The following AACS variants were observed in gnomAD, a reference collection of about 807,000 sequenced individuals.
AACS encodes acetoacetyl-CoA synthetase, also known as acetoacetate-CoA ligase.
AACS carries 69 observed loss-of-function variants against 83.1 expected under a neutral mutation model. The observed-to-expected ratio is 0.83, with a 90% CI of 0.68 to 1.01. The LOEUF (loss-of-function observed/expected upper bound fraction) is 1.01, where lower values mean the gene tolerates loss of function less well. AACS is among the 50% of genes least tolerant of loss of function. The pLI is 0.00. For missense variants in AACS, 866 were observed against 882.2 expected (o/e 0.98, Z 0.23); for synonymous variants, 333 against 343.4 (o/e 0.97, Z 0.33).
At chr12:125,110,218 TG>T (rs1956926047) in intron 8 of AACS, among the ~76,000 whole-genome samples, 1 of 148,022 alleles carries the variant, frequency 6.8e-6, no homozygotes, top group African/African-American at 2.5e-5. Context: ...TGTGTGTGTG[TG>T]TGTGTGTGTG....
chr12:125,130,494 G>T lies in AACS; in HGVS notation c.1549+1034G>T, dbSNP rs1044353769. ...CCTGCCTTGGGAGGAGAGGCCAAAA[G>T]GATTAGAATCTCAGCTTGAGGATCC... On this transcript the variant is annotated intron_variant, in intron 14 of 17. Transcript: ENST00000316519. This position sits in a 1 kb window ranked among gnomAD's most constrained non-coding sequence, Gnocchi z 4.9. Among the ~76,000 whole-genome samples, 7 of 152,222 alleles carry T rather than the reference G, an allele frequency of 4.6e-5. No homozygotes were observed. The highest frequency in any genetic ancestry group is 9.6e-5 in the African/African-American group (4 of 41,458).
In AACS at chr12:125,107,288, T is replaced by A; in HGVS notation, c.915+20T>A. ...GCTGGGGTAGGTCTCTGGGGAAGGC[T>A]CTGCAGGGCCTCCTGTTGTCTGTTT... On this transcript the variant is annotated intron_variant, in intron 8 of 17. Transcript: ENST00000316519. The A allele has an allele frequency of 1.2e-6, 2 of 1,610,574 alleles. No individual in the cohort carries two copies. The highest frequency in any genetic ancestry group is 1.7e-6 in the Non-Finnish European group (2 of 1,178,252).
At chr12:125,073,498 A>G (rs567399246) in intron 1 of AACS, among the ~76,000 whole-genome samples, 27 of 152,212 alleles carry the variant, frequency 1.8e-4, no homozygotes, top group Middle Eastern at 3.4e-3. Flanking sequence ...AATCCTCACA[A>G]CAGCCCTGTG....
rs994681423 is a variant in AACS, at chr12:125,140,388, G to A, written c.1882-1704G>A. 1 of 152,214 alleles carries A rather than the reference G, an allele frequency of 6.6e-6. No individual in the cohort carries two copies. Among genetic ancestry groups the A allele is most frequent in the Admixed American group, 6.5e-5 (1 of 15,276 alleles). The allele number at this position is 152,214 out of a possible 1,614,324, so 9.4% of individuals were successfully genotyped here. ...GAGGATGCTGCTGTATTTTGCCAGC[G>A]GGTGGAAGGTGGCGGTATTAGCTCC... On this transcript the variant is annotated intron_variant, in intron 17 of 17. Transcript: ENST00000316519. This position sits in a 1 kb window ranked among gnomAD's most constrained non-coding sequence, Gnocchi z 5.1.
At chr12:125,090,419 T>A (rs971405222) in intron 4 of AACS, among the ~76,000 whole-genome samples, 2 of 146,958 alleles carry the variant, frequency 1.4e-5, no homozygotes, top group Non-Finnish European at 3.0e-5. Context: ...TTCATCCATC[T>A]TCCATTCATC....
At chr12:125,114,337 T>C in intron 8 of AACS, 140 bp from the exon 9 acceptor site, 1 of 628,706 alleles carries the variant, frequency 1.6e-6, no homozygotes, top group Non-Finnish European at 2.7e-6. Context: ...CCCTCCAAAG[T>C]CTGCTTCTCC....
At chr12:125,112,323 G>A (rs932223669) in intron 8 of AACS, among the ~76,000 whole-genome samples, 19 of 152,248 alleles carry the variant, frequency 1.2e-4, no homozygotes, top group Admixed American at 7.2e-4. Context: ...TCCAGAGCCC[G>A]GAGGCAGCCT....
chr12:125,117,877 G>A (rs565020255), intron 9 of AACS: 3 of 152,320 alleles, frequency 2.0e-5, no homozygotes, highest in African/African-American at 7.2e-5. Flanking sequence ...CCAGCTACAT[G>A]GGAGGCTGAG....
intron 8 of AACS, among the ~76,000 whole-genome samples, chr12:125,109,744 C>A (rs1174575295): frequency 6.6e-6 from 1 of 152,186 alleles, no homozygotes; most frequent in African/African-American, 2.4e-5. Context: ...AGGTCTCCTG[C>A]ATGTCTGGAG....
chr12:125,108,457 T>C (rs1354645726), intron 8 of AACS, among the ~76,000 whole-genome samples: 1 of 152,216 alleles, frequency 6.6e-6, no homozygotes. Context: ...CTGTCACCTT[T>C]TAAAGGCCCA....
At position 125,086,410 on chromosome 12, in the gene AACS, A is replaced by C. The variant is rs1956340817; in HGVS notation, c.439A>C (p.Lys147Gln). 6.2e-7 allele frequency: 1 copy of C among 1,614,176 alleles called. No homozygotes were observed. The highest frequency in any genetic ancestry group is 1.1e-5 in the South Asian group (1 of 91,080). ...GGCTTTGTTTGCAGCAGCAATGAGGAAAATGGGTGTGAAGAAAGGAGATCG... is the reference window on the plus strand; with the variant it reads ...GGCTTTGTTTGCAGCAGCAATGAGGCAAATGGGTGTGAAGAAAGGAGATCG... ...EVALFAAAMR[K>Q]MGVKKGDRVV... is the part of the protein sequence containing the mutation. The change falls in exon 4 of 18, where the codon AAA (lysine) becomes CAA (glutamine). Residue 147 changes from lysine (K) to glutamine (Q), a missense_variant. Lys to Gln is a moderately conservative substitution (Grantham distance 53). Transcript: ENST00000316519.
chr12:125,092,235 C>T (rs112018582), intron 5 of AACS, among the ~76,000 whole-genome samples: 33 of 152,366 alleles, frequency 2.2e-4, no homozygotes, highest in African/African-American at 7.9e-4. Flanking sequence ...GAACCTGTTA[C>T]AGGACATGCA....
chr12:125,065,811 G>A, intron 1 of AACS, 94 bp downstream of exon 1: 1 of 1,388,582 alleles, frequency 7.2e-7, no homozygotes, highest in Non-Finnish European at 9.3e-7. Flanking sequence ...TCACGCTTCT[G>A]GGGCTGGAGG....
intron 5 of AACS, 100 bp from the exon 6 acceptor site, chr12:125,102,579 C>T (rs1956736447): frequency 1.0e-6 from 1 of 980,816 alleles, no homozygotes; most frequent in Non-Finnish European, 1.6e-6. Context: ...ATCCTCCCAC[C>T]TCAGCCTCCA....
In AACS at chr12:125,142,271, C is replaced by T. The variant is rs1957512939; in HGVS notation, c.*42C>T. 1.3e-6 allele frequency: 2 copies of T among 1,598,312 alleles called. No individual in the cohort carries two copies. The highest frequency in any genetic ancestry group is 1.3e-5 in the African/African-American group (1 of 74,098). On this transcript the variant is annotated 3_prime_UTR_variant, in exon 18 of 18. Transcript: ENST00000316519. ...TGTCACTCAGCCGCACCCGTGTGCACTGTAACTTTTGTGTGCTCAAGAAAT... is the reference window on the plus strand; with the variant it reads ...TGTCACTCAGCCGCACCCGTGTGCATTGTAACTTTTGTGTGCTCAAGAAAT...
intron 7 of AACS, chr12:125,105,125 A>G (rs979853508): frequency 1.3e-5 from 2 of 152,126 alleles, no homozygotes; most frequent in Non-Finnish European, 2.9e-5. Flanking sequence ...TTGTGATGCA[A>G]ACACCTCCCA....
rs1230196880 is a variant in AACS, at chr12:125,143,295, T to C, written c.*1066T>C. On this transcript the variant is annotated 3_prime_UTR_variant, in exon 18 of 18. Coordinates refer to ENST00000316519, the MANE Select transcript of AACS (RefSeq NM_023928.5). ...GCTATGATGAATTTTATGCAATAAA[T>C]GTATACATGTGTGCACATGCACCCA... The C allele has an allele frequency of 1.3e-5, 2 of 152,390 alleles. No individual in the cohort carries two copies. The highest frequency in any genetic ancestry group is 2.1e-4 in the South Asian group (1 of 4,830). 9.4% of individuals were successfully genotyped at this position (152,390 alleles called of 1,614,324 possible).
rs1219269168 is a variant in AACS, at chr12:125,125,004, T to G, written c.1289T>G (p.Ile430Ser). ...EYVYRCIKSS[I>S]LLGSISGGTD... ...GTCTACAGGTGCATCAAGAGCAGCATCCTCCTGGGCTCCATCTCAGGTATG... is the reference window on the plus strand; with the variant it reads ...GTCTACAGGTGCATCAAGAGCAGCAGCCTCCTGGGCTCCATCTCAGGTATG... The change falls in exon 12 of 18, where the codon ATC becomes AGC. Residue 430 changes from isoleucine (I) to serine (S), a missense_variant. Coordinates refer to ENST00000316519, the MANE Select transcript of AACS (RefSeq NM_023928.5). The G allele has an allele frequency of 6.2e-7, 1 of 1,614,158 alleles. No homozygotes were observed. Among genetic ancestry groups the G allele is most frequent in the South Asian group, 1.1e-5 (1 of 91,070 alleles).
In AACS at chr12:125,077,943, A is replaced by T. The variant is rs372395794; in HGVS notation, c.358+1332A>T. ...AGGCTGGTCTCGAACTCCTGACCTC[A>T]GGTGATTCCCCCCGCCTCGGCCTCC... On this transcript the variant is annotated intron_variant, in intron 3 of 17. Coordinates refer to ENST00000316519, the MANE Select transcript of AACS (RefSeq NM_023928.5). Among the ~76,000 whole-genome samples the T allele has an allele frequency of 1.9e-3, 287 of 152,262 alleles. 3 individuals are homozygous for T. The highest frequency in any genetic ancestry group is 6.4e-3 in the African/African-American group (268 of 41,560).
Sources: allele counts gnomAD v4.1 joint callset (sites outside exome capture counted in the v4.1 genomes callset), GRCh38; gene constraint gnomAD v4.1.1; non-coding constraint Gnocchi (gnomAD v3.1); transcripts MANE v1.5; gene names NCBI Gene and HGNC (gene_info 2026-07-23, HGNC 2026-07-21).